ZC3H12B: variants seen among roughly 807,000 people sequenced by gnomAD.
The protein encoded by ZC3H12B is probable ribonuclease ZC3H12B.
ZC3H12B carries 7 observed loss-of-function variants against 43.9 expected under a neutral mutation model. The ratio of observed to expected loss-of-function variants is 0.16; its 90% confidence interval spans 0.09 to 0.30. ZC3H12B has a LOEUF of 0.30. ZC3H12B is among the 10% of genes least tolerant of loss of function. The pLI, the probability that ZC3H12B is intolerant of heterozygous loss-of-function variation, is 1.00. For synonymous variants in ZC3H12B, 222 were observed against 241.7 expected (o/e 0.92, Z 0.76); for missense variants, 475 against 670.2 (o/e 0.71, Z 3.22).
the ZC3H12B span, among the ~76,000 whole-genome samples, chrX:65,171,736 C>T: frequency 1.8e-5 from 2 of 111,014 alleles, no homozygotes; most frequent in Non-Finnish European, 1.9e-5. Flanking sequence ...CAAGCCTCAG[C>T]AATGGTGGAC....
chrX:65,309,919 T>G, the ZC3H12B span, among the ~76,000 whole-genome samples: 1 of 112,155 alleles, frequency 8.9e-6, no homozygotes, highest in Admixed American at 9.4e-5. Context: ...TCTCAATAGA[T>G]GCAGAAAAGG....
Position 65,468,650 on chromosome X carries a change from ATTTTTTT to A in ZC3H12B, n.408-19981_408-19975del, listed in dbSNP as rs60716703. On this transcript the variant is annotated intron_variant and non_coding_transcript_variant, in intron 3 of 5. Transcript: ENST00000617377. ...AGGTGCCCGCCACCGTGCCCGGCTAATTTTTTTTTTTTTTTTTTTTTGTATTTTTAGT... is the reference window on the plus strand; with the variant it reads ...AGGTGCCCGCCACCGTGCCCGGCTAATTTTTTTTTTTTTTGTATTTTTAGT... Among the ~76,000 whole-genome samples the A allele has an allele frequency of 1.1e-3, 79 of 74,899 alleles. No individual in the cohort carries two copies. In the South Asian group the frequency reaches 0.012, roughly 11 times the overall value. 65.0% of individuals were successfully genotyped at this position (74,899 alleles called of 115,157 possible).
the ZC3H12B span, among the ~76,000 whole-genome samples, chrX:65,212,771 CTTAG>C: frequency 1.0e-5 from 1 of 98,953 alleles, no homozygotes; most frequent in African/African-American, 3.7e-5. Context: ...TTCTGTCTCC[CTTAG>C]TTAGACTATT....
chrX:65,342,989 C>G, the ZC3H12B span, among the ~76,000 whole-genome samples: 1 of 110,623 alleles, frequency 9.0e-6, no homozygotes, highest in Admixed American at 9.6e-5. Context: ...GAGATACTAC[C>G]ACTTACCCCA....
At chrX:65,061,240 C>T in the ZC3H12B span, among the ~76,000 whole-genome samples, 423 of 111,334 alleles carry the variant, frequency 3.8e-3, 4 homozygotes, top group African/African-American at 0.013. Context: ...TGGTGCTTTG[C>T]TGCACCCATC....
At chrX:65,244,992 C>T in the ZC3H12B span, among the ~76,000 whole-genome samples, 3 of 110,721 alleles carry the variant, frequency 2.7e-5, no homozygotes, top group Admixed American at 9.7e-5. Flanking sequence ...TTACAGTTGC[C>T]TGAAATATGA....
chrX:65,280,572 T>C, the ZC3H12B span, among the ~76,000 whole-genome samples: 1 of 111,733 alleles, frequency 8.9e-6, no homozygotes, highest in South Asian at 3.7e-4. Context: ...GGTATCCAAA[T>C]TGTAAAGAAG....
chrX:65,091,505 CTAT>C, the ZC3H12B span, among the ~76,000 whole-genome samples: 2 of 112,019 alleles, frequency 1.8e-5, no homozygotes, highest in African/African-American at 3.2e-5. Context: ...TATTTTTAGC[CTAT>C]TATTCTAGCC....
At chrX:65,196,177 C>T in the ZC3H12B span, among the ~76,000 whole-genome samples, 3 of 98,993 alleles carry the variant, frequency 3.0e-5, no homozygotes, top group African/African-American at 7.4e-5. Context: ...TCAGCTGGTG[C>T]CCCATGTGAG....
chrX:65,172,800 G>A, the ZC3H12B span, among the ~76,000 whole-genome samples: 26 of 111,753 alleles, frequency 2.3e-4, no homozygotes, highest in Admixed American at 4.8e-4. Flanking sequence ...GTTTTGGTAC[G>A]AGTAGCATGC....
chrX:65,399,926 G>T (rs2066744063), intron 3 of ZC3H12B, among the ~76,000 whole-genome samples: 1 of 111,155 alleles, frequency 9.0e-6, no homozygotes, highest in African/African-American at 3.3e-5. Context: ...AATAAGCCAG[G>T]CAGAAAGACA....
At chrX:65,226,864 G>A in the ZC3H12B span, among the ~76,000 whole-genome samples, 2 of 111,392 alleles carry the variant, frequency 1.8e-5, no homozygotes, top group Non-Finnish European at 3.8e-5. Context: ...CAAAACAGGA[G>A]CATCCAGATT....
At chrX:65,357,213 T>C in the ZC3H12B span, 1 of 392,621 alleles carries the variant, frequency 2.5e-6, no homozygotes, top group African/African-American at 2.5e-5. Context: ...CAGGGTGAAA[T>C]AGATTTCATG....
At chrX:65,274,141 G>A in the ZC3H12B span, among the ~76,000 whole-genome samples, 1 of 111,984 alleles carries the variant, frequency 8.9e-6, no homozygotes, top group Non-Finnish European at 1.9e-5. Flanking sequence ...TGGGGAAAAA[G>A]TAAGCAGAAG....
the ZC3H12B span, among the ~76,000 whole-genome samples, chrX:65,158,734 C>T: frequency 2.7e-5 from 3 of 111,707 alleles, no homozygotes; most frequent in Non-Finnish European, 5.6e-5. Context: ...CCTGTTCACT[C>T]TGATGGTAGT....
the ZC3H12B span, among the ~76,000 whole-genome samples, chrX:65,351,953 AG>A: frequency 3.6e-5 from 4 of 112,467 alleles, no homozygotes; most frequent in Admixed American, 1.9e-4. Context: ...TTGATCCAGC[AG>A]TCTCATTACT....
At chrX:65,082,349 G>A in the ZC3H12B span, among the ~76,000 whole-genome samples, 52 of 111,417 alleles carry the variant, frequency 4.7e-4, no homozygotes, top group African/African-American at 1.6e-3. Context: ...TTTTTGAAAA[G>A]TTAAGCAAAA....
chrX:65,451,689 T>C (rs1032408005), intron 3 of ZC3H12B, among the ~76,000 whole-genome samples: 1 of 111,868 alleles, frequency 8.9e-6, no homozygotes, highest in African/African-American at 3.2e-5. Context: ...TTCTAGTCTT[T>C]ATGGGATGTC....
the ZC3H12B span, among the ~76,000 whole-genome samples, chrX:65,190,157 A>C: frequency 5.8e-4 from 64 of 110,178 alleles, no homozygotes; most frequent in African/African-American, 1.9e-3. Context: ...ATTGATCTAT[A>C]TCTCTGTTTT....
Sources: allele counts gnomAD v4.1 joint callset (sites outside exome capture counted in the v4.1 genomes callset), GRCh38; gene constraint gnomAD v4.1.1; transcripts MANE v1.5; gene names NCBI Gene and HGNC (gene_info 2026-07-23, HGNC 2026-07-21).